The following C4orf51 variants were observed in gnomAD, a reference collection of about 807,000 sequenced individuals.
C4orf51 encodes the protein chromosome 4 open reading frame 51.
C4orf51 carries 25 observed loss-of-function variants against 25.2 expected under a neutral mutation model. That is an observed-to-expected ratio of 0.99 (90% CI 0.72 to 1.39). The LOEUF is 1.39. C4orf51 is among the 40% of genes most tolerant of loss of function. C4orf51 has a pLI of 0.00. For synonymous variants in C4orf51, 100 were observed against 84.5 expected (o/e 1.18, Z -1.01); for missense variants, 252 against 239.6 (o/e 1.05, Z -0.34).
intron 1 of C4orf51, among the ~76,000 whole-genome samples, chr4:145,691,870 C>T (rs79256909): frequency 0.046 from 6,958 of 150,818 alleles, 245 homozygotes; most frequent in Middle Eastern, 0.13. Flanking sequence ...TTCGGCATCA[C>T]ACAATATATT....
At chr4:145,691,704 C>T (rs1246854985) in intron 1 of C4orf51, among the ~76,000 whole-genome samples, 2 of 152,152 alleles carry the variant, frequency 1.3e-5, no homozygotes, top group Non-Finnish European at 2.9e-5. Context: ...ACAGCATGTT[C>T]TCACTTATAA....
At chr4:145,727,049 A>G in intron 3 of C4orf51, 80 bp downstream of exon 3, 1 of 1,134,004 alleles carries the variant, frequency 8.8e-7, no homozygotes, top group Admixed American at 2.1e-5. Context: ...CATTAAAAAA[A>G]CAAAAGGGGT....
chr4:145,789,294 C>A, the C4orf51 span, among the ~76,000 whole-genome samples: 1 of 152,090 alleles, frequency 6.6e-6, no homozygotes, highest in East Asian at 1.9e-4. Flanking sequence ...TTAAGCTGAA[C>A]ATGATTCCAA....
chr4:145,755,855 A>G (rs1164775984), downstream of C4orf51, among the ~76,000 whole-genome samples: 1 of 152,184 alleles, frequency 6.6e-6, no homozygotes, highest in Non-Finnish European at 1.5e-5. Context: ...GGCTCCTTAG[A>G]ATGAATCTTA....
At chr4:145,749,361 G>A (rs1288126633) in intron 1 of C4orf51, among the ~76,000 whole-genome samples, 1 of 151,868 alleles carries the variant, frequency 6.6e-6, no homozygotes, top group African/African-American at 2.4e-5. Context: ...AATCTATTCA[G>A]CTGCTCTATG....
intron 2 of C4orf51, among the ~76,000 whole-genome samples, chr4:145,703,732 A>G (rs1319640605): frequency 6.6e-6 from 1 of 152,146 alleles, no homozygotes; most frequent in Admixed American, 6.5e-5. Flanking sequence ...TCTTGTTTTC[A>G]GGTCTTATGT....
chr4:145,752,733 G>T (rs1020898120), intron 1 of C4orf51, among the ~76,000 whole-genome samples: 2 of 152,128 alleles, frequency 1.3e-5, no homozygotes, highest in Non-Finnish European at 2.9e-5. Context: ...CATTCTTGTG[G>T]CCTAAGCTGC....
chr4:145,709,262 G>A (rs116586478), intron 2 of C4orf51, among the ~76,000 whole-genome samples: 3,165 of 152,316 alleles, frequency 0.021, 43 homozygotes, highest in Non-Finnish European at 0.032. Context: ...GCCACAGAGT[G>A]AGGCCCTATG....
At chr4:145,729,675 A>C (rs1193790820) in intron 4 of C4orf51, among the ~76,000 whole-genome samples, 1 of 152,100 alleles carries the variant, frequency 6.6e-6, no homozygotes, top group Non-Finnish European at 1.5e-5. Context: ...ACATCATTTT[A>C]TCTCTCCTAA....
At chr4:145,760,447 AACAAG>A (rs907592293) in intron 1 of C4orf51, 1 of 154,602 alleles carries the variant, frequency 6.5e-6, no homozygotes, top group Non-Finnish European at 1.4e-5. Flanking sequence ...TTTAGGGTTT[AACAAG>A]ACAAGATTCC....
chr4:145,747,720 T>G (rs1245169773), intron 1 of C4orf51, among the ~76,000 whole-genome samples: 1 of 136,580 alleles, frequency 7.3e-6, no homozygotes, highest in African/African-American at 2.7e-5. Context: ...CTTCCTTCCT[T>G]CCTCTCTCTC....
intron 2 of C4orf51, among the ~76,000 whole-genome samples, chr4:145,698,630 A>G (rs796716381): frequency 2.0e-5 from 3 of 152,324 alleles, no homozygotes; most frequent in South Asian, 2.1e-4. Context: ...AGTCTGTTCT[A>G]TCAGTCTTAA....
At chr4:145,779,528 A>G in the C4orf51 span, 2 of 1,611,228 alleles carry the variant, frequency 1.2e-6, no homozygotes, top group Non-Finnish European at 1.7e-6. Context: ...CAAAAGAACA[A>G]AGCATCATGA....
intron 1 of C4orf51, among the ~76,000 whole-genome samples, chr4:145,753,969 T>C (rs1406782104): frequency 1.3e-5 from 2 of 152,236 alleles, no homozygotes; most frequent in Admixed American, 6.5e-5. Context: ...CTCCTCCATT[T>C]CTTAGCATCA....
chr4:145,736,724 T>A (rs1023799992), downstream of C4orf51, among the ~76,000 whole-genome samples: 1 of 152,232 alleles, frequency 6.6e-6, no homozygotes, highest in East Asian at 1.9e-4. Flanking sequence ...TGTTTTATTT[T>A]TAGAGACAGG....
chr4:145,745,275 A>G (rs140830257), intron 1 of C4orf51, among the ~76,000 whole-genome samples: 65 of 151,696 alleles, frequency 4.3e-4, no homozygotes, highest in African/African-American at 1.5e-3. Flanking sequence ...ATCATCGACT[A>G]TAAGACACAC....
chr4:145,694,676 G>A (rs1332003676), intron 1 of C4orf51, among the ~76,000 whole-genome samples: 1 of 135,088 alleles, frequency 7.4e-6, no homozygotes, highest in South Asian at 2.5e-4. Flanking sequence ...CCGGCCAGCC[G>A]CCCCGTCGGG....
the C4orf51 span, among the ~76,000 whole-genome samples, chr4:145,782,797 G>A: frequency 1.3e-5 from 2 of 152,304 alleles, no homozygotes; most frequent in South Asian, 4.1e-4. Flanking sequence ...AAAGTAGACT[G>A]CTTGACTTTT....
At chr4:145,699,169 C>G (rs113164627) in intron 2 of C4orf51, among the ~76,000 whole-genome samples, 2 of 151,644 alleles carry the variant, frequency 1.3e-5, no homozygotes, top group Non-Finnish European at 2.9e-5. Flanking sequence ...TATCTCCCTT[C>G]GCTGACTCTC....
Sources: gnomAD v4.1 joint callset for allele counts (sites outside exome capture counted in the v4.1 genomes callset) on GRCh38, gnomAD v4.1.1 for gene constraint, MANE v1.5 for transcripts, NCBI Gene and HGNC (gene_info 2026-07-23, HGNC 2026-07-21) for gene names.